The following FHOD3 variants were observed in gnomAD, a reference collection of about 807,000 sequenced individuals.
FHOD3 encodes the protein FH1/FH2 domain-containing protein 3.
In FHOD3, 90 loss-of-function variants were observed where a neutral mutation model predicts 173.0. That is an observed-to-expected ratio of 0.52 (90% CI 0.44 to 0.62). The LOEUF (loss-of-function observed/expected upper bound fraction) is 0.62, where lower values mean the gene tolerates loss of function less well. Among genes scored for constraint, FHOD3 ranks in the 20% least tolerant of loss-of-function variants. The pLI is 0.00. For missense variants in FHOD3, 1,945 were observed against 2,034.7 expected, an observed-to-expected ratio of 0.96 and a Z score of 0.85; for synonymous variants, 828 against 823.0, an observed-to-expected ratio of 1.01 and a Z score of -0.10.
intron 10 of FHOD3, among the ~76,000 whole-genome samples, chr18:36,643,242 G>A (rs1462374579): frequency 6.6e-6 from 1 of 152,060 alleles, no homozygotes; most frequent in Non-Finnish European, 1.5e-5. Context: ...AGTATCCCTA[G>A]GGAAGGTTTC....
intron 5 of FHOD3, among the ~76,000 whole-genome samples, chr18:36,517,501 A>G (rs1432727100): frequency 6.6e-6 from 1 of 152,094 alleles, no homozygotes; most frequent in Non-Finnish European, 1.5e-5. Flanking sequence ...TGGAGGAGAA[A>G]AGAGAGAGAG....
chr18:36,315,774 C>A (rs528843949), intron 1 of FHOD3, among the ~76,000 whole-genome samples: 1 of 152,084 alleles, frequency 6.6e-6, no homozygotes, highest in Admixed American at 6.5e-5. Flanking sequence ...CCTAGTGAAC[C>A]CCAGCAGTGC....
At chr18:36,417,513 A>G (rs1209456512) in intron 3 of FHOD3, among the ~76,000 whole-genome samples, 1 of 152,214 alleles carries the variant, frequency 6.6e-6, no homozygotes, top group Non-Finnish European at 1.5e-5. Context: ...TATTGTGAAT[A>G]GTGCTGCAAT....
Position 36,718,660 on chromosome 18 carries a change from C to T in FHOD3, c.3362C>T (p.Thr1121Ile), listed in dbSNP as rs1351340564. Reference protein sequence around the residue: ...WSKLEPIKVDTSRLEHLFESK... With the variant: ...WSKLEPIKVDISRLEHLFESK... ...AAACTGGAACCCATTAAGGTGGACA[C>T]TTCCAGACTGGAGCACCTGTTTGAG... The change falls in exon 19 of 29, where the codon ACT becomes ATT. Residue 1121 changes from threonine (T) to isoleucine (I), a missense_variant. Coordinates refer to ENST00000590592, the MANE Select transcript of FHOD3 (RefSeq NM_001281740.3). 20 of 1,614,064 alleles carry T rather than the reference C, an allele frequency of 1.2e-5. No individual in the cohort carries two copies. Among genetic ancestry groups the T allele is most frequent in the Non-Finnish European group, 1.6e-5 (19 of 1,180,044 alleles).
At chr18:36,412,686 A>G (rs2049418335) in intron 3 of FHOD3, among the ~76,000 whole-genome samples, 1 of 152,222 alleles carries the variant, frequency 6.6e-6, no homozygotes, top group Admixed American at 6.5e-5. Flanking sequence ...ACTTTTTGCT[A>G]CAATCATTTC....
intron 17 of FHOD3, among the ~76,000 whole-genome samples, chr18:36,705,778 A>G (rs2039840606): frequency 6.6e-6 from 1 of 152,164 alleles, no homozygotes. Flanking sequence ...GAGGGAAACA[A>G]GCACCTTTTC....
chr18:36,575,929 A>T (rs2058631894), intron 5 of FHOD3, among the ~76,000 whole-genome samples: 1 of 152,220 alleles, frequency 6.6e-6, no homozygotes, highest in African/African-American at 2.4e-5. Context: ...AAAATCTTTA[A>T]AGGGAATTAC....
intron 25 of FHOD3, 79 bp from the exon 26 acceptor site, chr18:36,759,039 G>T: frequency 6.9e-7 from 1 of 1,445,618 alleles, no homozygotes; most frequent in Non-Finnish European, 9.4e-7. Flanking sequence ...ACATTGCGAT[G>T]ATCTTTTTGC....
chr18:36,664,814 G>GAGAGAGAT lies in FHOD3; in HGVS notation c.1835+6627_1835+6628insGAGAGATA, dbSNP rs766704398. Among the ~76,000 whole-genome samples the GAGAGAGAT allele has an allele frequency of 8.9e-4, 130 of 146,852 alleles. 1 individual carries two copies. Among genetic ancestry groups the GAGAGAGAT allele is most frequent in the Admixed American group, 3.8e-3 (56 of 14,638 alleles). On this transcript the variant is annotated intron_variant, in intron 14 of 28. Transcript: ENST00000590592. ...AGAGAGAGAGAGAGAGAGAGAGAGA[G>GAGAGAGAT]ATTGAGATTGAGATTTCTCCTTCAG...
chr18:36,395,087 A>G (rs1240874365), intron 3 of FHOD3, among the ~76,000 whole-genome samples: 1 of 152,164 alleles, frequency 6.6e-6, no homozygotes, highest in Non-Finnish European at 1.5e-5. Flanking sequence ...AATTTATATC[A>G]CACTCAGAGA....
intron 11 of FHOD3, among the ~76,000 whole-genome samples, chr18:36,651,192 A>G (rs955472595): frequency 1.3e-5 from 2 of 151,998 alleles, no homozygotes; most frequent in African/African-American, 4.8e-5. Flanking sequence ...CCATCTTCCC[A>G]TCAATCCAGG....
chr18:36,659,485 A>G (rs1033166792), intron 14 of FHOD3, among the ~76,000 whole-genome samples: 3 of 152,196 alleles, frequency 2.0e-5, no homozygotes, highest in African/African-American at 7.2e-5. Flanking sequence ...ACCCTTGTCA[A>G]ATGGGATGTA....
intron 4 of FHOD3, among the ~76,000 whole-genome samples, chr18:36,506,768 C>G (rs2055324358): frequency 6.6e-6 from 1 of 151,084 alleles, no homozygotes; most frequent in South Asian, 2.1e-4. Flanking sequence ...AGTGCACATT[C>G]AAAACAGAAC....
chr18:36,631,125 A>G (rs2034482514), intron 10 of FHOD3, among the ~76,000 whole-genome samples: 1 of 152,172 alleles, frequency 6.6e-6, no homozygotes, highest in Non-Finnish European at 1.5e-5. Context: ...TGCAGGGAGA[A>G]GTCTGGCAGG....
chr18:36,679,484 CATTA>C (rs2038092500), intron 14 of FHOD3, among the ~76,000 whole-genome samples: 1 of 152,046 alleles, frequency 6.6e-6, no homozygotes, highest in African/African-American at 2.4e-5. Context: ...GCTGATCACT[CATTA>C]ATTTTTACTC....
chr18:36,704,737 A>G (rs1430636043), intron 17 of FHOD3, among the ~76,000 whole-genome samples: 1 of 152,018 alleles, frequency 6.6e-6, no homozygotes, highest in Non-Finnish European at 1.5e-5. Context: ...CCATAGAGAG[A>G]TCGTGAGGGC....
chr18:36,554,934 G>A (rs1460220264), intron 5 of FHOD3, among the ~76,000 whole-genome samples: 1 of 152,102 alleles, frequency 6.6e-6, no homozygotes, highest in African/African-American at 2.4e-5. Context: ...TCTGGTATAT[G>A]TAATTTGTTT....
intron 6 of FHOD3, among the ~76,000 whole-genome samples, chr18:36,585,760 C>T (rs1167761467): frequency 1.3e-5 from 2 of 152,170 alleles, no homozygotes; most frequent in East Asian, 1.9e-4. Context: ...CTCTTCTGCC[C>T]CTGTAGCCCA....
intron 3 of FHOD3, among the ~76,000 whole-genome samples, chr18:36,435,234 C>T (rs2050751940): frequency 6.6e-6 from 1 of 151,438 alleles, no homozygotes; most frequent in South Asian, 2.1e-4. Flanking sequence ...TGGAAGTATT[C>T]ATATATTCAT....
Sources: gnomAD v4.1 joint callset for allele counts (sites outside exome capture counted in the v4.1 genomes callset) on GRCh38, gnomAD v4.1.1 for gene constraint, MANE v1.5 for transcripts, NCBI Gene and HGNC (gene_info 2026-07-23, HGNC 2026-07-21) for gene names.